Variants in HMCN1 observed in about 807,000 individuals in gnomAD.
HMCN1 encodes the protein hemicentin-1.
A neutral mutation model predicts 625.9 loss-of-function variants in HMCN1; 321 were observed. The observed-to-expected ratio is 0.51, with a 90% CI of 0.47 to 0.56. The LOEUF is 0.56. Among genes scored for constraint, HMCN1 ranks in the 20% least tolerant of loss-of-function variants. The probability of loss-of-function intolerance (pLI) is 0.00; values close to 1 mark genes in which losing one functional copy is unlikely to be tolerated. For synonymous variants in HMCN1, 2,425 were observed against 2,417.6 expected (o/e 1.00, Z -0.09); for missense variants, 6,588 against 6,887.3 (o/e 0.96, Z 1.54).
intron 2 of HMCN1, among the ~76,000 whole-genome samples, chr1:185,859,462 A>C (rs988325664): frequency 1.3e-5 from 2 of 152,132 alleles, no homozygotes; most frequent in Admixed American, 1.3e-4. Context: ...AATATATCCA[A>C]AATATTTTGA....
At chr1:185,739,624 GCATT>G (rs1180395541) in intron 1 of HMCN1, among the ~76,000 whole-genome samples, 1 of 152,080 alleles carries the variant, frequency 6.6e-6, no homozygotes, top group Non-Finnish European at 1.5e-5. Context: ...GAGTCTCCAT[GCATT>G]CATTCATTCA....
At position 185,928,700 on chromosome 1, in the gene HMCN1, A is replaced by G. The variant is rs914834085; in HGVS notation, c.1552+33A>G. 6 of 1,608,708 alleles carry G rather than the reference A, an allele frequency of 3.7e-6. No individual in the cohort carries two copies. In the Admixed American group the frequency reaches 6.7e-5, roughly 18 times the overall value. ...CCACTAATTTCTTTGCAGTTGCCCA[A>G]GTATTAATGCAGCTATGGAAATGGG... On this transcript the variant is annotated intron_variant, in intron 10 of 106. Transcript: ENST00000271588.
intron 70 of HMCN1, 54 bp downstream of exon 70, chr1:186,107,019 C>T (rs372860315): frequency 9.4e-7 from 1 of 1,067,752 alleles, no homozygotes; most frequent in Non-Finnish European, 1.5e-6. Flanking sequence ...AATTAGAAAA[C>T]CCTGGGACAA....
chr1:185,831,599 T>C (rs1158299231), intron 1 of HMCN1, among the ~76,000 whole-genome samples: 1 of 152,132 alleles, frequency 6.6e-6, no homozygotes, highest in African/African-American at 2.4e-5. Context: ...ACAGTTTCTA[T>C]GATTGTGTAT....
intron 1 of HMCN1, among the ~76,000 whole-genome samples, chr1:185,795,004 A>G (rs762964680): frequency 1.3e-5 from 2 of 152,176 alleles, no homozygotes; most frequent in African/African-American, 4.8e-5. Flanking sequence ...GTCACTGTCT[A>G]TTTCTGGGAG....
Position 186,093,327 on chromosome 1 carries a change from A to C in HMCN1, c.10012+69A>C, listed in dbSNP as rs1659948886. On this transcript the variant is annotated intron_variant, in intron 65 of 106. Transcript: ENST00000271588. ...AATCTACCAGTAGAAGTGAAGGCCC[A>C]GCAGCAGGTGTCTGGAGCATTTAGT... 5 of 1,601,290 alleles carry C rather than the reference A, an allele frequency of 3.1e-6. No homozygotes were observed. The East Asian group carries it at 1.1e-4, about 36-fold the overall frequency.
At chr1:186,143,765 C>T (rs1416686903) in intron 89 of HMCN1, among the ~76,000 whole-genome samples, 1 of 152,158 alleles carries the variant, frequency 6.6e-6, no homozygotes, top group African/African-American at 2.4e-5. Flanking sequence ...TTGTCTATAA[C>T]CACATCTCAA....
At chr1:185,862,633 G>C (rs1004330801) in intron 2 of HMCN1, among the ~76,000 whole-genome samples, 2 of 152,116 alleles carry the variant, frequency 1.3e-5, no homozygotes, top group Non-Finnish European at 1.5e-5. Context: ...ATGGTCAAAA[G>C]ATACAAATAT....
At chr1:186,136,393 G>A (rs1649603893) in intron 86 of HMCN1, among the ~76,000 whole-genome samples, 2 of 152,124 alleles carry the variant, frequency 1.3e-5, no homozygotes, top group Admixed American at 1.3e-4. Context: ...GAGGTAGTAA[G>A]GAGCAGACAC....
At chr1:185,862,573 G>C (rs1662940567) in intron 2 of HMCN1, among the ~76,000 whole-genome samples, 1 of 152,168 alleles carries the variant, frequency 6.6e-6, no homozygotes, top group Non-Finnish European at 1.5e-5. Context: ...CCCAGGAATA[G>C]AGGTCTAACA....
chr1:185,933,951 AGAATG>A, intron 11 of HMCN1, 127 bp downstream of exon 11: 1 of 844,542 alleles, frequency 1.2e-6, no homozygotes, highest in Admixed American at 1.8e-5. Context: ...TTTAAGTGAT[AGAATG>A]CTTAACATAC....
chr1:185,965,801 G>A lies in HMCN1; in HGVS notation n.350-1G>A. On this transcript the variant is annotated splice_acceptor_variant and non_coding_transcript_variant, in intron 3 of 12. Transcript: ENST00000485744. ...ACTATTTGCGTTTTTGTTTTTTTCA[G>A]AAGCCCCTAAGTTGATGGTAGTTCA... is the stretch of plus-strand genomic sequence containing the variant. 1 of 1,587,038 alleles carries A rather than the reference G, an allele frequency of 6.3e-7. No individual in the cohort carries two copies. Among genetic ancestry groups the A allele is most frequent in the South Asian group, 1.1e-5 (1 of 90,568 alleles).
rs145016661 is a variant in HMCN1, at chr1:185,793,523, T to C, written c.269-52503T>C. On this transcript the variant is annotated intron_variant, in intron 1 of 106. Transcript: ENST00000271588. ...TTTAATCATATTGGCAAAGTCCCTT[T>C]TGCCATATAAAGTTACATATTCATA... 7.6e-3 allele frequency among the ~76,000 whole-genome samples: 1,151 copies of C among 152,306 alleles called. 11 individuals are homozygous for C. Among genetic ancestry groups the C allele is most frequent in the Non-Finnish European group, 0.013 (876 of 68,022 alleles).
chr1:186,048,695 C>A (rs376627230), intron 41 of HMCN1, 48 bp from the exon 42 acceptor site: 2 of 1,110,274 alleles, frequency 1.8e-6, no homozygotes, highest in East Asian at 2.4e-5. Context: ...ATTAAAAAAC[C>A]CCAAGTGAAA....
chr1:186,085,168 A>G (rs1008519263), intron 57 of HMCN1, among the ~76,000 whole-genome samples: 3 of 152,156 alleles, frequency 2.0e-5, no homozygotes, highest in African/African-American at 7.2e-5. Flanking sequence ...TGTCTACACT[A>G]TAGTGATTCT....
At chr1:186,020,541 T>G (rs1235566315) in intron 35 of HMCN1, among the ~76,000 whole-genome samples, 1 of 152,076 alleles carries the variant, frequency 6.6e-6, no homozygotes, top group Admixed American at 6.6e-5. Flanking sequence ...TAAACAATTA[T>G]TTACCTGGGA....
chr1:185,796,620 TTGTGTC>T (rs1175504365), intron 1 of HMCN1, among the ~76,000 whole-genome samples: 2 of 143,710 alleles, frequency 1.4e-5, no homozygotes, highest in African/African-American at 2.8e-5. Flanking sequence ...ATGGCTGAGT[TTGTGTC>T]TGTGTGTGTG....
intron 75 of HMCN1, among the ~76,000 whole-genome samples, chr1:186,116,312 A>G (rs974962775): frequency 1.3e-5 from 2 of 152,114 alleles, no homozygotes; most frequent in African/African-American, 2.4e-5. Context: ...TCTAATTTAG[A>G]TTTACTTTAA....
intron 1 of HMCN1, among the ~76,000 whole-genome samples, chr1:185,834,701 A>G (rs1272041960): frequency 2.6e-5 from 4 of 152,214 alleles, no homozygotes; most frequent in Non-Finnish European, 5.9e-5. Flanking sequence ...AGGGGATTAC[A>G]CAAGAGTATG....
Sources: allele counts gnomAD v4.1 joint callset (sites outside exome capture counted in the v4.1 genomes callset), GRCh38; gene constraint gnomAD v4.1.1; transcripts MANE v1.5; gene names NCBI Gene and HGNC (gene_info 2026-07-23, HGNC 2026-07-21).